Variants in RALYL observed in about 807,000 individuals in gnomAD.
The protein encoded by RALYL is RALY RNA binding protein like, also known as RNA-binding Raly-like protein.
Under a neutral mutation model 35.1 loss-of-function variants are expected in RALYL, and 29 were observed. The observed-to-expected ratio is 0.83, with a 90% CI of 0.61 to 1.13. The LOEUF (loss-of-function observed/expected upper bound fraction) is 1.13. Among genes scored for constraint, RALYL ranks in the 50% most tolerant of loss-of-function variants. RALYL has a pLI of 0.00. For synonymous variants in RALYL, 120 were observed against 127.6 expected, an observed-to-expected ratio of 0.94 and a Z score of 0.40; for missense variants, 359 against 360.4, an observed-to-expected ratio of 1.00 and a Z score of 0.03.
At chr8:84,393,398 G>T (rs1412592849) in intron 1 of RALYL, among the ~76,000 whole-genome samples, 1 of 152,026 alleles carries the variant, frequency 6.6e-6, no homozygotes, top group Non-Finnish European at 1.5e-5. Context: ...ATCAAAGAGT[G>T]CAGGCTGAAA....
intron 1 of RALYL, among the ~76,000 whole-genome samples, chr8:84,426,473 T>C (rs1036809928): frequency 6.7e-6 from 1 of 149,030 alleles, no homozygotes; most frequent in African/African-American, 2.5e-5. Flanking sequence ...TGTGTGTGTG[T>C]GGGTTTAGAT....
At chr8:84,651,717 A>T (rs1283046412) in intron 2 of RALYL, among the ~76,000 whole-genome samples, 1 of 152,068 alleles carries the variant, frequency 6.6e-6, no homozygotes, top group Non-Finnish European at 1.5e-5. Context: ...TATGAAAAAA[A>T]CTTAAGAGAA....
rs139835036 is a variant in RALYL, at chr8:84,628,724, T to G, written c.256+99147T>G. Among the ~76,000 whole-genome samples, 534 of 152,148 alleles carry G rather than the reference T, an allele frequency of 3.5e-3. 5 individuals are homozygous for G. The South Asian group carries it at 0.035, about 10-fold the overall frequency. ...GGAAACACCAAGTAAGAAGGGTGGA[T>G]AGAGGGGCCTAGCAGGAATAACAGT... On this transcript the variant is annotated intron_variant, in intron 2 of 8. Transcript: ENST00000521268.
intron 8 of RALYL, among the ~76,000 whole-genome samples, chr8:84,916,871 A>G (rs890737209): frequency 6.6e-6 from 1 of 152,292 alleles, no homozygotes; most frequent in South Asian, 2.1e-4. Flanking sequence ...AACATGATGC[A>G]AAAGTTTGAC....
chr8:84,400,917 T>G (rs1173476940), intron 1 of RALYL, among the ~76,000 whole-genome samples: 1 of 152,230 alleles, frequency 6.6e-6, no homozygotes, highest in Non-Finnish European at 1.5e-5. Context: ...TGAATACATT[T>G]TTTTCTTGGC....
intron 8 of RALYL, among the ~76,000 whole-genome samples, chr8:84,897,531 T>C (rs543332074): frequency 3.7e-4 from 56 of 152,330 alleles, no homozygotes; most frequent in Admixed American, 9.8e-4. Context: ...CTTTCTTTTT[T>C]TTAATAAAGA....
At chr8:84,278,151 T>C (rs1835788240) in intron 1 of RALYL, among the ~76,000 whole-genome samples, 1 of 152,236 alleles carries the variant, frequency 6.6e-6, no homozygotes, top group Non-Finnish European at 1.5e-5. Flanking sequence ...CTCTGAAATC[T>C]AGGCAGAGGT....
intron 2 of RALYL, among the ~76,000 whole-genome samples, chr8:84,536,436 A>T (rs550655321): frequency 1.4e-4 from 22 of 152,182 alleles, no homozygotes; most frequent in Non-Finnish European, 3.1e-4. Flanking sequence ...ATCCTATTTC[A>T]CTTTGGTAAG....
At position 84,505,522 on chromosome 8, in the gene RALYL, C is replaced by T. The variant is rs189409696; in HGVS notation, c.-23-23777C>T. On this transcript the variant is annotated intron_variant, in intron 1 of 8. Coordinates refer to ENST00000521268, the MANE Select transcript of RALYL (RefSeq NM_173848.7). ...AAAGGAAATAACTAAAATAAAAACACATACAGAATAATGTGAACATTTTAT... is the reference window on the plus strand; with the variant it reads ...AAAGGAAATAACTAAAATAAAAACATATACAGAATAATGTGAACATTTTAT... Among the ~76,000 whole-genome samples, 429 of 152,086 alleles carry T rather than the reference C, an allele frequency of 2.8e-3. 4 individuals are homozygous for T. Among genetic ancestry groups the T allele is most frequent in the African/African-American group, 9.7e-3 (403 of 41,518 alleles).
chr8:84,840,668 G>A (rs1833059525), intron 4 of RALYL, among the ~76,000 whole-genome samples: 1 of 152,140 alleles, frequency 6.6e-6, no homozygotes, highest in South Asian at 2.1e-4. Context: ...ATAATTGTCA[G>A]ATTCACCAAA....
At chr8:84,307,764 C>T (rs1842098150) in intron 1 of RALYL, among the ~76,000 whole-genome samples, 1 of 152,116 alleles carries the variant, frequency 6.6e-6, no homozygotes, top group Non-Finnish European at 1.5e-5. Flanking sequence ...TTCAAAGATG[C>T]AGGGCACAAA....
chr8:84,331,385 A>G (rs1168746248), intron 1 of RALYL, among the ~76,000 whole-genome samples: 1 of 152,172 alleles, frequency 6.6e-6, no homozygotes, highest in Non-Finnish European at 1.5e-5. Context: ...CACTGGAGCC[A>G]CAGCATCAAA....
At position 84,626,958 on chromosome 8, in the gene RALYL, T is replaced by A. The variant is rs536296196; in HGVS notation, c.256+97381T>A. ...GACAGACCAGTCAATTAAACCCCTA[T>A]TCCAAGGAAAATGTAAAGAACTGAT... On this transcript the variant is annotated intron_variant, in intron 2 of 8. Transcript: ENST00000521268. 3.5e-4 allele frequency among the ~76,000 whole-genome samples: 54 copies of A among 152,254 alleles called. 1 individual carries two copies. Among genetic ancestry groups the A allele is most frequent in the African/African-American group, 1.2e-3 (48 of 41,566 alleles).
At chr8:84,215,865 A>T (rs1820685810) in intron 1 of RALYL, among the ~76,000 whole-genome samples, 1 of 152,198 alleles carries the variant, frequency 6.6e-6, no homozygotes, top group South Asian at 2.1e-4. Context: ...CGCATGGCAA[A>T]CAACAACGAA....
At chr8:84,597,936 A>T (rs991155637) in intron 2 of RALYL, among the ~76,000 whole-genome samples, 1 of 152,156 alleles carries the variant, frequency 6.6e-6, no homozygotes, top group Non-Finnish European at 1.5e-5. Context: ...AAGCACAAAG[A>T]CTATTGCATC....
chr8:84,444,421 C>G (rs556901927), intron 1 of RALYL, among the ~76,000 whole-genome samples: 1 of 152,140 alleles, frequency 6.6e-6, no homozygotes, highest in East Asian at 1.9e-4. Context: ...TTATATAGAT[C>G]AAGGGTATCT....
chr8:84,806,714 G>C (rs1824702325), intron 4 of RALYL, among the ~76,000 whole-genome samples: 1 of 152,140 alleles, frequency 6.6e-6, no homozygotes, highest in South Asian at 2.1e-4. Flanking sequence ...TTAATTTATA[G>C]CTAAATGTTT....
intron 2 of RALYL, chr8:84,706,181 T>C (rs897584096): frequency 1.1e-6 from 1 of 909,066 alleles, no homozygotes; most frequent in African/African-American, 1.7e-5. Context: ...ATACTGTAGC[T>C]TTTCTCACCC....
chr8:84,829,629 A>G (rs1830450356), intron 4 of RALYL: 1 of 152,174 alleles, frequency 6.6e-6, no homozygotes, highest in African/African-American at 2.4e-5. Flanking sequence ...GGCCCAGAAA[A>G]TCAATCAAAC....
Sources: gnomAD v4.1 joint callset for allele counts (sites outside exome capture counted in the v4.1 genomes callset) on GRCh38, gnomAD v4.1.1 for gene constraint, MANE v1.5 for transcripts, NCBI Gene and HGNC (gene_info 2026-07-23, HGNC 2026-07-21) for gene names.